CNOT4: variants seen among roughly 807,000 people sequenced by gnomAD.
CNOT4 encodes the protein CCR4-associated factor 4.
CNOT4 carries 8 observed loss-of-function variants against 73.8 expected under a neutral mutation model. That is an observed-to-expected ratio of 0.11 (90% CI 0.06 to 0.20). The LOEUF (loss-of-function observed/expected upper bound fraction) is 0.20, where lower values mean the gene tolerates loss of function less well. Ranked by LOEUF, CNOT4 falls within the 10% of genes least tolerant of loss-of-function variation. CNOT4 has a pLI of 1.00. For missense variants in CNOT4, 564 were observed against 883.4 expected (o/e 0.64, Z 4.58); for synonymous variants, 293 against 321.1 (o/e 0.91, Z 0.94).
At chr7:135,492,803 C>T (rs1017488034) in intron 1 of CNOT4, among the ~76,000 whole-genome samples, 3 of 151,830 alleles carry the variant, frequency 2.0e-5, no homozygotes, top group Non-Finnish European at 4.4e-5. Flanking sequence ...AAAGATAGGA[C>T]CATGAAGTGC....
chr7:135,465,526 G>A (rs1484321994), intron 1 of CNOT4, among the ~76,000 whole-genome samples: 1 of 152,072 alleles, frequency 6.6e-6, no homozygotes, highest in Non-Finnish European at 1.5e-5. Context: ...CATTATTTTA[G>A]AGTTTACTCC....
At chr7:135,499,876 AC>A (rs1311806585) in intron 1 of CNOT4, among the ~76,000 whole-genome samples, 5 of 152,082 alleles carry the variant, frequency 3.3e-5, no homozygotes, top group Middle Eastern at 6.8e-3. Flanking sequence ...GTTAAAACAA[AC>A]CCCCCAAGGA....
rs558491309 is a variant in CNOT4, at chr7:135,364,475, C to T, written c.1628-409G>A. On this transcript the variant is annotated intron_variant, in intron 10 of 11. Coordinates refer to ENST00000541284, the MANE Select transcript of CNOT4 (RefSeq NM_001190850.2). This position sits in a 1 kb window ranked among gnomAD's most constrained non-coding sequence, Gnocchi z 4.3. ...AAGTCTGCAAAGTCCAATATAGGAG[C>T]TTATTTCTCAGCCCACAAATGGAAG... Among the ~76,000 whole-genome samples, 1 of 152,264 alleles carries T rather than the reference C, an allele frequency of 6.6e-6. No homozygotes were observed. Among genetic ancestry groups the T allele is most frequent in the South Asian group, 2.1e-4 (1 of 4,816 alleles).
intron 2 of CNOT4, among the ~76,000 whole-genome samples, chr7:135,437,285 G>A (rs1444691350): frequency 6.6e-6 from 1 of 152,238 alleles, no homozygotes; most frequent in East Asian, 1.9e-4. Flanking sequence ...CGCCTTCCGG[G>A]TTCACGCCAT....
intron 1 of CNOT4, among the ~76,000 whole-genome samples, chr7:135,463,341 C>T (rs1800993700): frequency 6.6e-6 from 1 of 152,082 alleles, no homozygotes; most frequent in Admixed American, 6.6e-5. Flanking sequence ...AGTTCGAGAC[C>T]AGTCTGGCCA....
rs115581003 is a variant in CNOT4, at chr7:135,483,759, T to C, written c.-93+26130A>G. 3.2e-3 allele frequency among the ~76,000 whole-genome samples: 494 copies of C among 152,184 alleles called. 3 individuals are homozygous for C. The highest frequency in any genetic ancestry group is 0.011 in the African/African-American group (474 of 41,520). The stretch of plus-strand genomic sequence containing the variant: ...GGATCACTTAAGGTTGAGGCTGCAG[T>C]ATGCCGAAACTGCACCATTGCACTC... On this transcript the variant is annotated intron_variant, in intron 1 of 11. Coordinates refer to ENST00000541284, the MANE Select transcript of CNOT4 (RefSeq NM_001190850.2).
Position 135,418,796 on chromosome 7 carries a change from C to G in CNOT4, c.372+3360G>C, listed in dbSNP as rs111237606. On this transcript the variant is annotated intron_variant, in intron 3 of 11. Transcript: ENST00000541284. ...AACACCTATTAATTCTTCAAGCTGA[C>G]CCTAATTATCCTTTCCTCAGAGAAG... Among the ~76,000 whole-genome samples, 45 of 152,286 alleles carry G rather than the reference C, an allele frequency of 3.0e-4. 1 individual carries two copies. Among genetic ancestry groups the G allele is most frequent in the African/African-American group, 1.0e-3 (43 of 41,562 alleles).
At chr7:135,496,848 C>T (rs1446290930) in intron 1 of CNOT4, among the ~76,000 whole-genome samples, 2 of 151,984 alleles carry the variant, frequency 1.3e-5, no homozygotes, top group Non-Finnish European at 2.9e-5. Context: ...TCTCTGTCAC[C>T]CAGACTGGAG....
At chr7:135,420,314 T>C (rs573243939) in intron 3 of CNOT4, among the ~76,000 whole-genome samples, 1 of 150,980 alleles carries the variant, frequency 6.6e-6, no homozygotes, top group African/African-American at 2.4e-5. Flanking sequence ...CAGTGGCTCA[T>C]ACCTGCAATC....
chr7:135,467,044 T>C (rs1193176695), intron 1 of CNOT4, among the ~76,000 whole-genome samples: 4 of 152,214 alleles, frequency 2.6e-5, no homozygotes, highest in African/African-American at 9.6e-5. Flanking sequence ...TTTTTAGTAA[T>C]GTTTACTTTT....
intron 1 of CNOT4, among the ~76,000 whole-genome samples, chr7:135,505,768 T>C (rs574012631): frequency 2.6e-5 from 4 of 152,198 alleles, no homozygotes; most frequent in African/African-American, 9.6e-5. Context: ...GGAGACAAAA[T>C]AGTGGTGAAA....
At position 135,363,032 on chromosome 7, in the gene CNOT4, C is replaced by A. The variant is rs374538900; in HGVS notation, c.1995G>T (p.Pro665=). ...HHSAPFSTQI[P]LHRASWNPYP... Reference sequence around the variant, plus strand: ...AGGGATTCCAACTGGCTCTGTGCAGCGGGATCTGTGTGCTGAAGGGGGCGC... The same window carrying A: ...AGGGATTCCAACTGGCTCTGTGCAGAGGGATCTGTGTGCTGAAGGGGGCGC... The change falls in exon 12 of 12, where the codon CCG becomes CCT. Residue 665 remains proline, a synonymous_variant. Transcript: ENST00000541284. This position sits in a 1 kb window ranked among gnomAD's most constrained non-coding sequence, Gnocchi z 4.3. The A allele has an allele frequency of 6.2e-7, 1 of 1,611,362 alleles. No homozygotes were observed. The highest frequency in any genetic ancestry group is 8.5e-7 in the Non-Finnish European group (1 of 1,179,396).
At chr7:135,459,498 T>C (rs1418772161) in intron 1 of CNOT4, among the ~76,000 whole-genome samples, 1 of 152,228 alleles carries the variant, frequency 6.6e-6, no homozygotes, top group Non-Finnish European at 1.5e-5. Context: ...ATGGTTTCTC[T>C]ATTCTAAGGA....
chr7:135,406,929 G>A (rs1797323036), intron 7 of CNOT4, among the ~76,000 whole-genome samples: 1 of 152,200 alleles, frequency 6.6e-6, no homozygotes, highest in South Asian at 2.1e-4. Context: ...TAGTTTGAAT[G>A]TATGTCCCCA....
chr7:135,472,954 T>C (rs779645189), intron 1 of CNOT4, among the ~76,000 whole-genome samples: 6 of 151,948 alleles, frequency 3.9e-5, no homozygotes, highest in Non-Finnish European at 5.9e-5. Flanking sequence ...GGTGGGAGGA[T>C]TGCCTGAATC....
intron 1 of CNOT4, among the ~76,000 whole-genome samples, chr7:135,462,454 C>G (rs1234282365): frequency 6.6e-6 from 1 of 151,750 alleles, no homozygotes; most frequent in Admixed American, 6.6e-5. Context: ...TAGGAGGGAT[C>G]CAGGAGAAAA....
chr7:135,431,726 T>C (rs1419620687), intron 2 of CNOT4, among the ~76,000 whole-genome samples: 1 of 141,874 alleles, frequency 7.0e-6, no homozygotes, highest in East Asian at 2.1e-4. Context: ...CTGGGTGACA[T>C]GAGTGAAACT....
At chr7:135,494,082 A>C (rs1054992296) in intron 1 of CNOT4, among the ~76,000 whole-genome samples, 39 of 148,442 alleles carry the variant, frequency 2.6e-4, no homozygotes, top group African/African-American at 5.9e-4. Flanking sequence ...AAAAAAAAAA[A>C]CTCAGAAAAC....
Position 135,363,306 on chromosome 7 carries a change from T to A in CNOT4, c.1841-120A>T. 1 of 886,580 alleles carries A rather than the reference T, an allele frequency of 1.1e-6. No individual in the cohort carries two copies. The highest frequency in any genetic ancestry group is 1.7e-6 in the Non-Finnish European group (1 of 572,880). 54.9% of individuals were successfully genotyped at this position (886,580 alleles called of 1,614,324 possible). A position where few individuals can be genotyped will look rare whatever the true frequency, so the allele number is the denominator to read the frequency against. On this transcript the variant is annotated intron_variant, in intron 11 of 11. Coordinates refer to ENST00000541284, the MANE Select transcript of CNOT4 (RefSeq NM_001190850.2). The surrounding 1 kb of genome is among the most constrained non-coding windows in gnomAD (Gnocchi z 4.3). Reference sequence around the variant, plus strand: ...GACAGAAGAGATTACAATTTTAAACTCCTTCCAAATAAGACCTTTTAAACC... The same window carrying A: ...GACAGAAGAGATTACAATTTTAAACACCTTCCAAATAAGACCTTTTAAACC...
Sources: allele counts gnomAD v4.1 joint callset (sites outside exome capture counted in the v4.1 genomes callset), GRCh38; gene constraint gnomAD v4.1.1; non-coding constraint Gnocchi (gnomAD v3.1); transcripts MANE v1.5; gene names NCBI Gene and HGNC (gene_info 2026-07-23, HGNC 2026-07-21).